Variants in MAPK14 observed in about 807,000 individuals in gnomAD.
The protein encoded by MAPK14 is mitogen-activated protein kinase 14.
A neutral mutation model predicts 49.6 loss-of-function variants in MAPK14; 16 were observed. That is an observed-to-expected ratio of 0.32 (90% CI 0.22 to 0.49). The LOEUF (loss-of-function observed/expected upper bound fraction) is 0.49. Among genes scored for constraint, MAPK14 ranks in the 20% least tolerant of loss-of-function variants. MAPK14 has a pLI of 0.99. For missense variants in MAPK14, 200 were observed against 441.2 expected (o/e 0.45, Z 4.90); for synonymous variants, 142 against 158.0 (o/e 0.90, Z 0.76).
intron 8 of MAPK14, among the ~76,000 whole-genome samples, chr6:36,084,379 G>A (rs1187875496): frequency 6.6e-6 from 1 of 152,182 alleles, no homozygotes; most frequent in Non-Finnish European, 1.5e-5. Context: ...GACTTCCGAA[G>A]GTGGATAATA....
intron 3 of MAPK14, 40 bp from the exon 4 acceptor site, chr6:36,072,833 G>C: frequency 9.2e-7 from 1 of 1,082,938 alleles, no homozygotes; most frequent in Non-Finnish European, 1.4e-6. Context: ...AACTTTCTTA[G>C]GGGTTCTAGA....
intron 6 of MAPK14, among the ~76,000 whole-genome samples, chr6:36,075,342 G>T (rs926377970): frequency 1.3e-5 from 2 of 151,896 alleles, no homozygotes; most frequent in African/African-American, 4.8e-5. Context: ...CTATAGATTA[G>T]GTTTATCTTT....
chr6:36,067,084 G>A (rs951461792), intron 3 of MAPK14, among the ~76,000 whole-genome samples: 5 of 151,948 alleles, frequency 3.3e-5, no homozygotes, highest in Admixed American at 6.6e-5. Context: ...GGTGGGTGGC[G>A]AAACTCCTTG....
At position 36,028,550 on chromosome 6, in the gene MAPK14, C is replaced by T. The variant is rs375210806; in HGVS notation, c.116+277C>T. Among the ~76,000 whole-genome samples, 7 of 152,226 alleles carry T rather than the reference C, an allele frequency of 4.6e-5. No individual in the cohort carries two copies. Among genetic ancestry groups the T allele is most frequent in the African/African-American group, 1.7e-4 (7 of 41,466 alleles). ...TCTGGCTAGCACCCTGCGCCTTCCC[C>T]TCTCGGAGGGTTGCTGCTCGGCAAC... On this transcript the variant is annotated intron_variant, in intron 1 of 11. Transcript: ENST00000229794. The surrounding 1 kb of genome is among the most constrained non-coding windows in gnomAD (Gnocchi z 5.1).
chr6:36,118,416 G>A, the MAPK14 span, among the ~76,000 whole-genome samples: 3 of 152,306 alleles, frequency 2.0e-5, no homozygotes, highest in East Asian at 3.9e-4. Context: ...AACAATGACT[G>A]TACCATCTCG....
intron 1 of MAPK14, among the ~76,000 whole-genome samples, chr6:36,043,578 G>A (rs1562102995): frequency 6.6e-6 from 1 of 152,138 alleles, no homozygotes; most frequent in Admixed American, 6.6e-5. Context: ...AATATTTCCA[G>A]TATGTCATTT....
intron 8 of MAPK14, among the ~76,000 whole-genome samples, chr6:36,081,998 G>A (rs1315296738): frequency 2.6e-5 from 4 of 151,560 alleles, no homozygotes; most frequent in South Asian, 4.2e-4. Context: ...TTTTTGCTGC[G>A]ATTATAGATG....
At chr6:36,092,671 C>A (rs138683589) in intron 8 of MAPK14, 96 of 354,784 alleles carry the variant, frequency 2.7e-4, no homozygotes, top group Non-Finnish European at 4.7e-4. Context: ...TCTTTACAGC[C>A]CTCAGGAGAG....
intron 1 of MAPK14, among the ~76,000 whole-genome samples, chr6:36,034,038 A>T (rs1762643705): frequency 6.6e-6 from 1 of 152,172 alleles, no homozygotes; most frequent in Non-Finnish European, 1.5e-5. Context: ...TTTCTGATAG[A>T]TGTGGGCTGC....
intron 8 of MAPK14, among the ~76,000 whole-genome samples, chr6:36,087,102 A>T (rs1765016108): frequency 6.6e-6 from 1 of 152,214 alleles, no homozygotes; most frequent in African/African-American, 2.4e-5. Context: ...ACATCCCTTC[A>T]TGTTAAAAAC....
intron 3 of MAPK14, among the ~76,000 whole-genome samples, chr6:36,069,123 T>C (rs1764171865): frequency 6.6e-6 from 1 of 152,228 alleles, no homozygotes; most frequent in East Asian, 1.9e-4. Context: ...TAATTTACTT[T>C]AGGTGTTATA....
At chr6:36,088,023 GGGAAA>G (rs1319429008) in intron 8 of MAPK14, among the ~76,000 whole-genome samples, 18 of 152,140 alleles carry the variant, frequency 1.2e-4, no homozygotes, top group African/African-American at 4.1e-4. Context: ...ACGAGCAATG[GGGAAA>G]GGATTCCCTA....
At chr6:36,053,456 T>C (rs962231625) in intron 2 of MAPK14, among the ~76,000 whole-genome samples, 4 of 152,166 alleles carry the variant, frequency 2.6e-5, no homozygotes, top group African/African-American at 9.6e-5. Flanking sequence ...GTTGCCATTC[T>C]GCAAAGATGC....
chr6:36,091,469 C>G (rs1765226185), intron 8 of MAPK14, among the ~76,000 whole-genome samples: 2 of 152,088 alleles, frequency 1.3e-5, no homozygotes, highest in African/African-American at 4.8e-5. Context: ...AGGGCTAAAC[C>G]TATTACAAAG....
chr6:36,092,029 G>T (rs903460935), intron 8 of MAPK14: 2 of 437,126 alleles, frequency 4.6e-6, no homozygotes, highest in Non-Finnish European at 9.0e-6. Flanking sequence ...CTTCACATTT[G>T]CATGTTTCAG....
At chr6:36,050,807 G>A (rs1279949946) in intron 1 of MAPK14, among the ~76,000 whole-genome samples, 1 of 152,146 alleles carries the variant, frequency 6.6e-6, no homozygotes, top group Non-Finnish European at 1.5e-5. Context: ...CTTTCTAATG[G>A]CAGGGCTATA....
chr6:36,103,447 C>T (rs945565729), intron 10 of MAPK14, among the ~76,000 whole-genome samples: 3 of 151,992 alleles, frequency 2.0e-5, no homozygotes, highest in Non-Finnish European at 4.4e-5. Flanking sequence ...TCCAGTGATC[C>T]TCCTGCCTCA....
intron 1 of MAPK14, among the ~76,000 whole-genome samples, chr6:36,051,406 C>G (rs1007497199): frequency 6.6e-6 from 1 of 152,092 alleles, no homozygotes; most frequent in Non-Finnish European, 1.5e-5. Context: ...CTGTGCCTGG[C>G]GACGATTTCT....
chr6:36,123,967 A>G, the MAPK14 span, among the ~76,000 whole-genome samples: 1 of 151,776 alleles, frequency 6.6e-6, no homozygotes, highest in Admixed American at 6.6e-5. Flanking sequence ...AGGCTGGCTG[A>G]GAGGTGCCCG....
Sources: allele counts gnomAD v4.1 joint callset (sites outside exome capture counted in the v4.1 genomes callset), GRCh38; gene constraint gnomAD v4.1.1; non-coding constraint Gnocchi (gnomAD v3.1); transcripts MANE v1.5; gene names NCBI Gene and HGNC (gene_info 2026-07-23, HGNC 2026-07-21).